Variants in MACROD2 observed in about 807,000 individuals in gnomAD.
MACROD2 encodes ADP-ribose glycohydrolase MACROD2.
MACROD2 carries 36 observed loss-of-function variants against 70.4 expected under a neutral mutation model. The observed-to-expected ratio is 0.51, with a 90% CI of 0.39 to 0.68. MACROD2 has a LOEUF of 0.68. MACROD2 is among the 30% of genes least tolerant of loss of function. The probability of loss-of-function intolerance (pLI) is 0.00; values close to 1 mark genes in which losing one functional copy is unlikely to be tolerated. For missense variants in MACROD2, 496 were observed against 538.4 expected (o/e 0.92, Z 0.78); for synonymous variants, 172 against 178.8 (o/e 0.96, Z 0.30).
chr20:14,140,593 C>G (rs1002777523), intron 3 of MACROD2, among the ~76,000 whole-genome samples: 4 of 152,140 alleles, frequency 2.6e-5, no homozygotes, highest in African/African-American at 9.7e-5. Context: ...TCTTTTTAGT[C>G]TTAATGTTTT....
chr20:14,480,226 C>T (rs999480789), intron 3 of MACROD2, among the ~76,000 whole-genome samples: 1 of 152,078 alleles, frequency 6.6e-6, no homozygotes, highest in Non-Finnish European at 1.5e-5. Flanking sequence ...TTCCAGCAAT[C>T]GTTCCAGAAC....
chr20:14,590,362 G>A (rs1054981459), intron 4 of MACROD2, among the ~76,000 whole-genome samples: 2 of 152,166 alleles, frequency 1.3e-5, no homozygotes, highest in Non-Finnish European at 2.9e-5. Context: ...ACTAGGTAAG[G>A]TGGTAGGCAG....
chr20:14,448,664 T>A (rs1275043000), intron 3 of MACROD2, among the ~76,000 whole-genome samples: 2 of 150,352 alleles, frequency 1.3e-5, no homozygotes, highest in Admixed American at 1.3e-4. Flanking sequence ...CGACACTCCC[T>A]CTCAGAAAAA....
intron 2 of MACROD2, among the ~76,000 whole-genome samples, chr20:14,071,369 TC>T (rs1469654362): frequency 1.3e-5 from 2 of 148,820 alleles, no homozygotes; most frequent in Non-Finnish European, 3.0e-5. Flanking sequence ...CATGCCGTTC[TC>T]CTGCCTCAGC....
intron 3 of MACROD2, among the ~76,000 whole-genome samples, chr20:14,422,135 C>G (rs1847887157): frequency 6.6e-6 from 1 of 151,668 alleles, no homozygotes; most frequent in African/African-American, 2.4e-5. Flanking sequence ...ATGAATTGAC[C>G]CTTTTATCAG....
chr20:14,806,649 G>T (rs1362029554), intron 5 of MACROD2, among the ~76,000 whole-genome samples: 1 of 152,124 alleles, frequency 6.6e-6, no homozygotes, highest in Non-Finnish European at 1.5e-5. Flanking sequence ...CTTGCTCAGT[G>T]GATCCCACCC....
Position 15,226,410 on chromosome 20 carries a change from A to G in MACROD2, c.419-3530A>G, listed in dbSNP as rs146512349. On this transcript the variant is annotated intron_variant, in intron 5 of 17. Transcript: ENST00000684519. ...ATCAGACTTTGAATTTAATACTTCT[A>G]TTTACATTATCTTATTTATACCAAG... Among the ~76,000 whole-genome samples, 40 of 152,242 alleles carry G rather than the reference A, an allele frequency of 2.6e-4. No individual in the cohort carries two copies. In the East Asian group the frequency reaches 6.0e-3, roughly 23 times the overall value.
intron 8 of MACROD2, among the ~76,000 whole-genome samples, chr20:15,852,875 G>A (rs2064315593): frequency 6.6e-6 from 1 of 152,174 alleles, no homozygotes. Flanking sequence ...CAGGCATGGT[G>A]TGGCACACAC....
chr20:15,680,193 A>G (rs1201145089), intron 8 of MACROD2, among the ~76,000 whole-genome samples: 1 of 152,188 alleles, frequency 6.6e-6, no homozygotes, highest in African/African-American at 2.4e-5. Context: ...GGATATCACC[A>G]TTTCCCTTTG....
At chr20:15,880,439 T>TG (rs1414732819) in intron 9 of MACROD2, among the ~76,000 whole-genome samples, 1 of 151,584 alleles carries the variant, frequency 6.6e-6, no homozygotes, top group African/African-American at 2.4e-5. Flanking sequence ...AGAAGTATGT[T>TG]GGGGCGGCGG....
intron 3 of MACROD2, among the ~76,000 whole-genome samples, chr20:14,409,631 G>C (rs1212410837): frequency 6.6e-6 from 1 of 152,022 alleles, no homozygotes; most frequent in African/African-American, 2.4e-5. Flanking sequence ...ATGACACTTT[G>C]AGTCAGCTGT....
At chr20:15,729,726 T>G (rs1373321676) in intron 8 of MACROD2, among the ~76,000 whole-genome samples, 1 of 152,058 alleles carries the variant, frequency 6.6e-6, no homozygotes, top group Non-Finnish European at 1.5e-5. Flanking sequence ...CTTTTTTCTG[T>G]TTTCCATTTG....
At chr20:14,120,243 C>T (rs1457240891) in intron 3 of MACROD2, among the ~76,000 whole-genome samples, 1 of 139,166 alleles carries the variant, frequency 7.2e-6, no homozygotes, top group Non-Finnish European at 1.6e-5. Flanking sequence ...AAGAAGAAGA[C>T]ATTTATGTGG....
chr20:14,867,739 G>T (rs979044733), intron 5 of MACROD2, among the ~76,000 whole-genome samples: 4 of 152,074 alleles, frequency 2.6e-5, no homozygotes, highest in Non-Finnish European at 2.9e-5. Context: ...TAGACAAATG[G>T]AATGGCTTAA....
intron 3 of MACROD2, among the ~76,000 whole-genome samples, chr20:14,473,014 A>G (rs1374743132): frequency 6.6e-6 from 1 of 152,220 alleles, no homozygotes; most frequent in African/African-American, 2.4e-5. Context: ...ATTTATTTAT[A>G]TTTTTAAAAG....
chr20:15,041,002 T>C (rs1239844288), intron 5 of MACROD2, among the ~76,000 whole-genome samples: 2 of 152,184 alleles, frequency 1.3e-5, no homozygotes, highest in Admixed American at 6.5e-5. Flanking sequence ...AACTCACTTT[T>C]TGGTGGAAAT....
At chr20:15,255,837 CTA>C (rs2077194684) in intron 6 of MACROD2, among the ~76,000 whole-genome samples, 1 of 152,078 alleles carries the variant, frequency 6.6e-6, no homozygotes, top group African/African-American at 2.4e-5. Context: ...TCACTTGACT[CTA>C]TGTCTTGGTG....
At chr20:14,896,686 G>A (rs549481370) in intron 5 of MACROD2, among the ~76,000 whole-genome samples, 2 of 152,084 alleles carry the variant, frequency 1.3e-5, no homozygotes, top group African/African-American at 4.8e-5. Flanking sequence ...TGATCTGCCT[G>A]AATAAAGCAA....
chr20:15,229,832 T>G, intron 5 of MACROD2, 108 bp from the exon 6 acceptor site: 1 of 1,167,442 alleles, frequency 8.6e-7, no homozygotes, highest in Non-Finnish European at 1.1e-6. Context: ...TTAGCTTGCT[T>G]GTCTCCAGGC....
Sources: allele counts gnomAD v4.1 joint callset (sites outside exome capture counted in the v4.1 genomes callset), GRCh38; gene constraint gnomAD v4.1.1; transcripts MANE v1.5; gene names NCBI Gene and HGNC (gene_info 2026-07-23, HGNC 2026-07-21).